The following FGF5 variants were observed in gnomAD, a reference collection of about 807,000 sequenced individuals.
The protein encoded by FGF5 is fibroblast growth factor 5.
FGF5 carries 23 observed loss-of-function variants against 21.8 expected under a neutral mutation model. The ratio of observed to expected loss-of-function variants is 1.05; its 90% CI spans 0.76 to 1.49. The LOEUF (loss-of-function observed/expected upper bound fraction) is 1.49. Ranked by LOEUF, FGF5 falls within the 40% of genes most tolerant of loss-of-function variation. FGF5 has a pLI of 0.00. For missense variants in FGF5, 352 were observed against 332.9 expected (o/e 1.06, Z -0.45); for synonymous variants, 158 against 124.0 (o/e 1.27, Z -1.82).
At chr4:80,284,900 AGTG>A (rs760182381) in intron 2 of FGF5, among the ~76,000 whole-genome samples, 66 of 152,236 alleles carry the variant, frequency 4.3e-4, no homozygotes, top group Non-Finnish European at 6.3e-4. Context: ...TGTAGCTTTT[AGTG>A]TTTTTATATA....
rs371202661 is a variant in FGF5, at chr4:80,266,799, C to A, written c.-26C>A. The A allele has an allele frequency of 1.3e-6, 2 of 1,538,258 alleles. No homozygotes were observed. Among genetic ancestry groups the A allele is most frequent in the East Asian group, 4.5e-5 (2 of 44,508 alleles). ...AGCCCAGAATCAGCCCTACAAGATG[C>A]ACTTAGGACCCCCGCGGCTGGAAGA... On this transcript the variant is annotated 5_prime_UTR_variant, in exon 1 of 3. Coordinates refer to ENST00000312465, the MANE Select transcript of FGF5 (RefSeq NM_004464.4).
intron 2 of FGF5, among the ~76,000 whole-genome samples, chr4:80,286,042 T>G (rs1328640616): frequency 6.6e-6 from 1 of 152,238 alleles, no homozygotes; most frequent in Non-Finnish European, 1.5e-5. Flanking sequence ...AGGGTTTAAA[T>G]GTATCAAGAG....
chr4:80,274,161 GT>G (rs2098232973), intron 1 of FGF5, among the ~76,000 whole-genome samples: 1 of 152,056 alleles, frequency 6.6e-6, no homozygotes, highest in African/African-American at 2.4e-5. Flanking sequence ...TGAAATTACT[GT>G]AGGAGACAGA....
chr4:80,288,273 AC>A lies in FGF5; in HGVS notation c.*1603del. ...GAAACTTACCAAAATTGAACTAGCT[AC>A]CATATAAGCAGATTGCTTTAATTTG... On this transcript the variant is annotated 3_prime_UTR_variant, in exon 3 of 3. Coordinates refer to ENST00000312465, the MANE Select transcript of FGF5 (RefSeq NM_004464.4). The A allele has an allele frequency of 6.6e-6, 1 of 152,152 alleles. No homozygotes were observed. The highest frequency in any genetic ancestry group is 6.6e-5 in the Admixed American group (1 of 15,264). The allele number at this position is 152,152 out of a possible 1,614,324, so 9.4% of individuals were successfully genotyped here.
chr4:80,272,021 G>C (rs34532816), intron 1 of FGF5, among the ~76,000 whole-genome samples: 1,657 of 152,206 alleles, frequency 0.011, 20 homozygotes, highest in African/African-American at 0.037. Flanking sequence ...AGAAAACAAG[G>C]CATTGTGAAA....
chr4:80,277,366 G>A (rs540570419), intron 2 of FGF5, among the ~76,000 whole-genome samples: 32 of 152,110 alleles, frequency 2.1e-4, no homozygotes, highest in African/African-American at 7.5e-4. Flanking sequence ...ATGATTATGT[G>A]GATTCTTTTT....
At chr4:80,271,949 G>A (rs1041526665) in intron 1 of FGF5, among the ~76,000 whole-genome samples, 2 of 152,284 alleles carry the variant, frequency 1.3e-5, no homozygotes, top group Non-Finnish European at 2.9e-5. Flanking sequence ...AAATCAATAG[G>A]CCTGTGATGT....
rs1015981082 is a variant in FGF5, at chr4:80,288,417, T to C, written c.*1745T>C. On this transcript the variant is annotated 3_prime_UTR_variant, in exon 3 of 3. Transcript: ENST00000312465. ...TTTTATTATAAAGCCAATTATCTGA[T>C]TAAGCATTCTTTCCACTGAATGCAT... 2 of 152,176 alleles carry C rather than the reference T, an allele frequency of 1.3e-5. No individual in the cohort carries two copies. Among genetic ancestry groups the C allele is most frequent in the Non-Finnish European group, 2.9e-5 (2 of 68,018 alleles). 9.4% of individuals were successfully genotyped at this position (152,176 alleles called of 1,614,324 possible).
chr4:80,284,512 C>T (rs776752611), intron 2 of FGF5, among the ~76,000 whole-genome samples: 3 of 152,134 alleles, frequency 2.0e-5, no homozygotes, highest in East Asian at 1.9e-4. Flanking sequence ...TCAGCCTGCT[C>T]GAGATCATAT....
intron 1 of FGF5, 45 bp from the exon 2 acceptor site, chr4:80,274,864 A>C: frequency 1.2e-6 from 1 of 809,364 alleles, no homozygotes; most frequent in South Asian, 1.6e-5. Context: ...TCACAATGAT[A>C]TAAATAAGAG....
In FGF5 at chr4:80,266,665, C is replaced by A; in HGVS notation, c.-160C>A. On this transcript the variant is annotated 5_prime_UTR_variant, in exon 1 of 3. Coordinates refer to ENST00000312465, the MANE Select transcript of FGF5 (RefSeq NM_004464.4). ...ATCCCGGTGCCAGCGCGGAGATCCG[C>A]TCGGGTGGCCTCTCTCTTCCCCTCT... 1.6e-6 allele frequency: 1 copy of A among 622,322 alleles called. No individual in the cohort carries two copies. Among genetic ancestry groups the A allele is most frequent in the Non-Finnish European group, 2.8e-6 (1 of 360,894 alleles). The allele number at this position is 622,322 out of a possible 1,614,324, so 38.6% of individuals were successfully genotyped here. A position where few individuals can be genotyped will look rare whatever the true frequency, so the allele number is the denominator to read the frequency against.
At chr4:80,268,333 C>T in intron 1 of FGF5, 1 of 288,516 alleles carries the variant, frequency 3.5e-6, no homozygotes, top group Non-Finnish European at 5.2e-6. Flanking sequence ...CAGGGCCTGT[C>T]AGGTACCCAG....
At chr4:80,281,422 G>A (rs1720552363) in intron 2 of FGF5, among the ~76,000 whole-genome samples, 2 of 152,108 alleles carry the variant, frequency 1.3e-5, no homozygotes, top group Admixed American at 6.5e-5. Flanking sequence ...AATAATATTA[G>A]TCTATAACAA....
intron 1 of FGF5, among the ~76,000 whole-genome samples, chr4:80,267,908 C>T (rs1332028670): frequency 3.9e-5 from 6 of 152,068 alleles, no homozygotes; most frequent in Non-Finnish European, 7.4e-5. Flanking sequence ...TTGGATTTAA[C>T]AATGTTTAGT....
chr4:80,282,380 T>C (rs1423562502), intron 2 of FGF5, among the ~76,000 whole-genome samples: 1 of 152,172 alleles, frequency 6.6e-6, no homozygotes, highest in African/African-American at 2.4e-5. Flanking sequence ...TAGGAGTATA[T>C]ACTAAAGTAC....
rs903442372 is a variant in FGF5 at position 80,290,533 on chromosome 4, T to C, written c.*3861T>C. On this transcript the variant is annotated 3_prime_UTR_variant, in exon 3 of 3. Transcript: ENST00000312465. ...AGGCATCTTTACATCTAAGAATTTT[T>C]TTTTAAATTTTATTATTATTATACT... 5 of 152,086 alleles carry C rather than the reference T, an allele frequency of 3.3e-5. No individual in the cohort carries two copies. The highest frequency in any genetic ancestry group is 1.2e-4 in the African/African-American group (5 of 41,414). The allele number at this position is 152,086 out of a possible 1,614,324, so 9.4% of individuals were successfully genotyped here. A position where few individuals can be genotyped will look rare whatever the true frequency, so the allele number is the denominator to read the frequency against.
Position 80,267,026 on chromosome 4 carries a change from G to A in FGF5, c.202G>A (p.Gly68Ser), listed in dbSNP as rs188430345. The A allele has an allele frequency of 1.7e-5, 27 of 1,614,102 alleles. No individual in the cohort carries two copies. The highest frequency in any genetic ancestry group is 2.3e-5 in the Non-Finnish European group (27 of 1,180,042). ...CTCCTCCTCCCCCGCAGCTTCTCTGGGCAGCCAAGGAAGTGGCTTGGAGCA... is the reference window on the plus strand; with the variant it reads ...CTCCTCCTCCCCCGCAGCTTCTCTGAGCAGCCAAGGAAGTGGCTTGGAGCA... ...SASSSPAASL[G>S]SQGSGLEQSS... Residue 68 changes from glycine to serine, a missense_variant, in exon 1 of 3, where the codon GGC becomes AGC. Transcript: ENST00000312465.
rs1482317968 is a variant in FGF5 at position 80,266,898 on chromosome 4, G to A, written c.74G>A (p.Arg25His). The change falls in exon 1 of 3, where the codon CGT (arginine) becomes CAT (histidine). Residue 25 changes from arginine to histidine, a missense_variant. Physicochemically the swap from Arg to His is conservative, Grantham distance 29. Transcript: ENST00000312465. Reference sequence around the variant, plus strand: ...AGCGCCTGGGCTCACGGGGAGAAGCGTCTCGCCCCCAAAGGGCAACCCGGA... The same window carrying A: ...AGCGCCTGGGCTCACGGGGAGAAGCATCTCGCCCCCAAAGGGCAACCCGGA... ...ILSAWAHGEK[R>H]LAPKGQPGPA... 6.2e-7 allele frequency: 1 copy of A among 1,613,628 alleles called. No homozygotes were observed. Among genetic ancestry groups the A allele is most frequent in the Non-Finnish European group, 8.5e-7 (1 of 1,179,846 alleles).
In FGF5 at chr4:80,290,482, T is replaced by C. The variant is rs551116032; in HGVS notation, c.*3810T>C. On this transcript the variant is annotated 3_prime_UTR_variant, in exon 3 of 3. Transcript: ENST00000312465. ...CAGGGGAGAAAAGGGAACAAGATGC[T>C]GATCCAACCTGAGTGGAGTCAGGTG... is the stretch of plus-strand genomic sequence containing the variant. 1.3e-5 allele frequency: 2 copies of C among 152,170 alleles called. No homozygotes were observed. The highest frequency in any genetic ancestry group is 2.9e-5 in the Non-Finnish European group (2 of 68,030). The allele number at this position is 152,170 out of a possible 1,614,324, so 9.4% of individuals were successfully genotyped here.
Sources: allele counts gnomAD v4.1 joint callset (sites outside exome capture counted in the v4.1 genomes callset), GRCh38; gene constraint gnomAD v4.1.1; transcripts MANE v1.5; gene names NCBI Gene and HGNC (gene_info 2026-07-23, HGNC 2026-07-21).